The following ABCA12 variants were observed in gnomAD, a reference collection of about 807,000 sequenced individuals.
The protein encoded by ABCA12 is glucosylceramide transporter ABCA12.
A neutral mutation model predicts 293.5 loss-of-function variants in ABCA12; 156 were observed. The observed-to-expected ratio is 0.53, with a 90% confidence interval of 0.47 to 0.61. ABCA12 has a LOEUF of 0.61. ABCA12 is among the 20% of genes least tolerant of loss of function. The pLI is 0.00. For missense variants in ABCA12, 2,797 were observed against 3,090.2 expected, an observed-to-expected ratio of 0.91 and a Z score of 2.25; for synonymous variants, 1,063 against 1,108.0, an observed-to-expected ratio of 0.96 and a Z score of 0.81.
At chr2:214,980,138 C>A (rs1015769724) in intron 31 of ABCA12, among the ~76,000 whole-genome samples, 1 of 152,158 alleles carries the variant, frequency 6.6e-6, no homozygotes, top group Non-Finnish European at 1.5e-5. Context: ...GGCTGATTCT[C>A]CATCAGTAAC....
intron 42 of ABCA12, 41 bp from the exon 43 acceptor site, chr2:214,955,402 C>A: frequency 6.2e-7 from 1 of 1,605,538 alleles, no homozygotes; most frequent in Non-Finnish European, 8.5e-7. Context: ...TACGCCTCGG[C>A]CAGGCATGGT....
intron 3 of ABCA12, among the ~76,000 whole-genome samples, chr2:215,059,557 G>C (rs1452293772): frequency 1.3e-5 from 2 of 151,944 alleles, no homozygotes; most frequent in Non-Finnish European, 2.9e-5. Flanking sequence ...CTGTGTCTTA[G>C]GGTTTTTTAT....
At chr2:215,050,046 A>C (rs577726924) in intron 5 of ABCA12, among the ~76,000 whole-genome samples, 1 of 152,286 alleles carries the variant, frequency 6.6e-6, no homozygotes, top group South Asian at 2.1e-4. Flanking sequence ...TTATATATGA[A>C]TTGTTTGACT....
At chr2:215,117,018 G>A (rs1702700458) in intron 1 of ABCA12, among the ~76,000 whole-genome samples, 1 of 152,182 alleles carries the variant, frequency 6.6e-6, no homozygotes, top group African/African-American at 2.4e-5. Flanking sequence ...TGAGTCTAAG[G>A]ATTTGATGGT....
At chr2:214,980,727 T>C in intron 30 of ABCA12, 84 bp from the exon 31 acceptor site, 1 of 1,538,688 alleles carries the variant, frequency 6.5e-7, no homozygotes, top group Non-Finnish European at 9.0e-7. Flanking sequence ...GAGTAAATCC[T>C]GTGACATCTG....
In ABCA12 at chr2:214,987,585, A is replaced by G. The variant is rs957053906; in HGVS notation, c.3976+62T>C. The G allele has an allele frequency of 3.2e-6, 5 of 1,562,820 alleles. No individual in the cohort carries two copies. In the African/African-American group the frequency reaches 6.9e-5, roughly 21 times the overall value. Reference sequence around the variant, plus strand: ...TTAGAAAAAAATAATTGAAACTACTAGTCATGTAATTTCATATCATTTCTC... The same window carrying G: ...TTAGAAAAAAATAATTGAAACTACTGGTCATGTAATTTCATATCATTTCTC... On this transcript the variant is annotated intron_variant, in intron 27 of 52. Coordinates refer to ENST00000272895, the MANE Select transcript of ABCA12 (RefSeq NM_173076.3).
chr2:215,048,541 A>AC lies in ABCA12; in HGVS notation c.693+1084_693+1085insG, dbSNP rs112855190. Among the ~76,000 whole-genome samples, 39 of 66,488 alleles carry AC rather than the reference A, an allele frequency of 5.9e-4. No homozygotes were observed. In the African/African-American group the frequency reaches 6.9e-3, roughly 12 times the overall value. 43.6% of individuals were successfully genotyped at this position (66,488 alleles called of 152,430 possible). A position where few individuals can be genotyped will look rare whatever the true frequency, so the allele number is the denominator to read the frequency against. On this transcript the variant is annotated intron_variant, in intron 6 of 52. Coordinates refer to ENST00000272895, the MANE Select transcript of ABCA12 (RefSeq NM_173076.3). ...AAAACCCTATCTCTACTAATAATAC[A>AC]AAAAAAAAAAAATTAGCTGGGTGTG... is the stretch of plus-strand genomic sequence containing the variant.
chr2:215,046,138 C>A, intron 6 of ABCA12, 123 bp from the exon 7 acceptor site: 1 of 966,426 alleles, frequency 1.0e-6, no homozygotes. Context: ...TAGACCTTCA[C>A]TCAGTTTGAA....
rs538991768 is a variant in ABCA12 at position 215,007,733 on chromosome 2, C to A, written c.2586G>T (p.Met862Ile). The change falls in exon 19 of 53, where the codon ATG becomes ATT. Residue 862 changes from methionine to isoleucine, a missense_variant. By Grantham distance (10) the Met-to-Ile change is conservative. Around this residue, in one of 3 missense-constraint regions of ABCA12, gnomAD observed 2,130 missense variants for 2,427.0 expected, o/e 0.88. Transcript: ENST00000272895. ...TGACAGAAGCATCTCATACCTGGAG[C>A]ATTGGAATTGCCTGGTTTAACAGAT... ...SFHLLNQAIP[M>I]LQNTLRNPFV... 1 of 1,613,924 alleles carries A rather than the reference C, an allele frequency of 6.2e-7. No individual in the cohort carries two copies. Among genetic ancestry groups the A allele is most frequent in the African/African-American group, 1.3e-5 (1 of 75,036 alleles).
At chr2:215,033,161 A>T (rs1700916028) in intron 8 of ABCA12, among the ~76,000 whole-genome samples, 2 of 152,214 alleles carry the variant, frequency 1.3e-5, no homozygotes, top group Admixed American at 1.3e-4. Flanking sequence ...GTAATGCATC[A>T]GTGAGTTAAA....
chr2:215,010,421 T>G lies in ABCA12; in HGVS notation c.2382A>C (p.Gly794=), dbSNP rs776893687. The G allele has an allele frequency of 1.2e-6, 2 of 1,613,808 alleles. No homozygotes were observed. Among genetic ancestry groups the G allele is most frequent in the East Asian group, 4.5e-5 (2 of 44,858 alleles). Residue 794 remains glycine (G), a synonymous_variant, in exon 18 of 53, where the codon GGA becomes GGC. Transcript: ENST00000272895. ...GTTTCAAGAAAGCCCAAATCACAGG[T>G]CCAGCGGGCATGTTAATGATGTCTT... ...LYKDIINMPA[G]PVIWAFLKPM...
At chr2:215,111,730 T>C in intron 1 of ABCA12, 40 bp from the exon 2 acceptor site, 1 of 1,485,198 alleles carries the variant, frequency 6.7e-7, no homozygotes, top group Non-Finnish European at 9.4e-7. Flanking sequence ...GTTTTATTGT[T>C]GAACCAAAGA....
chr2:215,123,921 C>G (rs1022265268), intron 1 of ABCA12, among the ~76,000 whole-genome samples: 6 of 152,152 alleles, frequency 3.9e-5, no homozygotes, highest in Non-Finnish European at 8.8e-5. Context: ...CCTCGCCCCC[C>G]TCTCACTCTT....
At chr2:215,005,718 T>C (rs1700239193) in intron 19 of ABCA12, among the ~76,000 whole-genome samples, 1 of 152,240 alleles carries the variant, frequency 6.6e-6, no homozygotes, top group African/African-American at 2.4e-5. Flanking sequence ...ATCAATCATA[T>C]GACATCTAAT....
chr2:214,997,459 T>C (rs1323201761), intron 23 of ABCA12, among the ~76,000 whole-genome samples: 2 of 152,200 alleles, frequency 1.3e-5, no homozygotes, highest in Admixed American at 1.3e-4. Flanking sequence ...ATTGTACTCA[T>C]ATTTTATTCA....
chr2:215,040,184 T>C (rs1701069660), intron 7 of ABCA12, among the ~76,000 whole-genome samples: 1 of 152,172 alleles, frequency 6.6e-6, no homozygotes, highest in Admixed American at 6.5e-5. Flanking sequence ...GGGGCTATCA[T>C]GTTAGAAAGA....
chr2:215,071,152 A>G (rs1206734640), intron 2 of ABCA12, among the ~76,000 whole-genome samples: 2 of 151,734 alleles, frequency 1.3e-5, no homozygotes, highest in Non-Finnish European at 2.9e-5. Context: ...AGCCATGATC[A>G]TGCCACAACA....
intron 9 of ABCA12, among the ~76,000 whole-genome samples, chr2:215,027,356 A>G (rs1315192373): frequency 7.3e-6 from 1 of 136,390 alleles, no homozygotes; most frequent in Non-Finnish European, 1.6e-5. Context: ...AAAAAAAAAG[A>G]AAAAAAAGAA....
rs117550202 is a variant in ABCA12 at position 214,973,835 on chromosome 2, A to G, written c.5562+114T>C. The stretch of plus-strand genomic sequence containing the variant: ...CCCAGATCCATATTTCTGAGCTACT[A>G]GCTTCCATAAAATGAACTTATACTG... On this transcript the variant is annotated intron_variant, in intron 36 of 52. Coordinates refer to ENST00000272895, the MANE Select transcript of ABCA12 (RefSeq NM_173076.3). 542 of 881,528 alleles carry G rather than the reference A, an allele frequency of 6.1e-4. 7 individuals are homozygous for G. The East Asian group carries it at 0.011, about 18-fold the overall frequency. The allele number at this position is 881,528 out of a possible 1,614,324, so 54.6% of individuals were successfully genotyped here.
Sources: gnomAD v4.1 joint callset for allele counts (sites outside exome capture counted in the v4.1 genomes callset) on GRCh38, gnomAD v4.1.1 for gene constraint, gnomAD v4.1.1 regional missense constraint, MANE v1.5 for transcripts, NCBI Gene and HGNC (gene_info 2026-07-23, HGNC 2026-07-21) for gene names.